The following TECPR1 variants were observed in gnomAD, a reference collection of about 807,000 sequenced individuals.
TECPR1 encodes tectonin beta-propeller repeat-containing protein 1.
TECPR1 carries 122 observed loss-of-function variants against 162.4 expected under a neutral mutation model. The observed-to-expected ratio is 0.75, with a 90% confidence interval of 0.65 to 0.87. The LOEUF is 0.87. Among genes scored for constraint, TECPR1 ranks in the 40% least tolerant of loss-of-function variants. The pLI is 0.00. For synonymous variants in TECPR1, 642 were observed against 670.6 expected (o/e 0.96, Z 0.66); for missense variants, 1,432 against 1,618.2 (o/e 0.88, Z 1.97).
rs565833649 is a variant in TECPR1, at chr7:98,219,846, A to G, written c.3158-1804T>C. ...AACCTGGGAGGCAGAGGTTGCAGTG[A>G]GCCGAGATCGCACCACTGCACTCCA... On this transcript the variant is annotated intron_variant, in intron 23 of 25. Transcript: ENST00000447648. Among the ~76,000 whole-genome samples, 7 of 152,172 alleles carry G rather than the reference A, an allele frequency of 4.6e-5. No individual in the cohort carries two copies. The South Asian group carries it at 1.2e-3, about 27-fold the overall frequency.
In TECPR1 at chr7:98,241,533, A is replaced by C. The variant is rs1165606894; in HGVS notation, c.658-289T>G. 6.6e-6 allele frequency among the ~76,000 whole-genome samples: 1 copy of C among 152,188 alleles called. No homozygotes were observed. The highest frequency in any genetic ancestry group is 1.5e-5 in the Non-Finnish European group (1 of 68,018). On this transcript the variant is annotated intron_variant, in intron 6 of 25. Coordinates refer to ENST00000447648, the MANE Select transcript of TECPR1 (RefSeq NM_015395.3). The surrounding 1 kb of genome is among the most constrained non-coding windows in gnomAD (Gnocchi z 5.0). Reference sequence around the variant, plus strand: ...ATGTGGGTCTCCGGCCACTCTGGCCAGCCCGTGTGTCCCATGCCCCCTTGT... The same window carrying C: ...ATGTGGGTCTCCGGCCACTCTGGCCCGCCCGTGTGTCCCATGCCCCCTTGT...
chr7:98,249,055 A>G (rs1798992338), intron 2 of TECPR1, among the ~76,000 whole-genome samples: 1 of 151,830 alleles, frequency 6.6e-6, no homozygotes, highest in South Asian at 2.1e-4. Flanking sequence ...CATCTGGCCC[A>G]TTTTTGTATT....
At chr7:98,233,091 T>C (rs997837769) in intron 11 of TECPR1, 119 bp from the exon 12 acceptor site, 13 of 1,236,372 alleles carry the variant, frequency 1.1e-5, no homozygotes, top group Non-Finnish European at 1.3e-5. Context: ...CGCTCTCTGT[T>C]AAGCCTCCTT....
intron 10 of TECPR1, among the ~76,000 whole-genome samples, chr7:98,234,505 C>T (rs1798540664): frequency 6.6e-6 from 1 of 152,116 alleles, no homozygotes; most frequent in South Asian, 2.1e-4. Flanking sequence ...CTTATAGCAA[C>T]ACAAAATGGA....
intron 23 of TECPR1, among the ~76,000 whole-genome samples, chr7:98,220,369 C>T (rs1584320930): frequency 6.6e-6 from 1 of 152,088 alleles, no homozygotes; most frequent in South Asian, 2.1e-4. Flanking sequence ...AATTTTTTAA[C>T]GGTACATTTT....
rs368144653 is a variant in TECPR1 at position 98,225,086 on chromosome 7, G to A, written c.2530C>T (p.Arg844Trp). 8 of 1,568,954 alleles carry A rather than the reference G, an allele frequency of 5.1e-6. No homozygotes were observed. In the South Asian group the frequency reaches 7.1e-5, roughly 14 times the overall value. Residue 844 changes from arginine (R) to tryptophan (W), a missense_variant, in exon 18 of 26, where the codon CGG (arginine) becomes TGG (tryptophan). Coordinates refer to ENST00000447648, the MANE Select transcript of TECPR1 (RefSeq NM_015395.3). ...GYTSRGLPTDRYMWSDASGLQ... is the reference protein window; with the variant it reads ...GYTSRGLPTDWYMWSDASGLQ... ...CCCGAGGCATCGCTCCACATGTACC[G>A]GTCCGTGGGCAGACCCCTGCGGCAG...
intron 10 of TECPR1, among the ~76,000 whole-genome samples, chr7:98,236,265 C>T (rs1396922833): frequency 1.3e-5 from 2 of 152,182 alleles, no homozygotes; most frequent in African/African-American, 2.4e-5. Flanking sequence ...CAAACAAACT[C>T]GGGGTAAGAC....
chr7:98,225,483 G>A (rs753010459), intron 17 of TECPR1, among the ~76,000 whole-genome samples: 12 of 151,776 alleles, frequency 7.9e-5, no homozygotes, highest in African/African-American at 1.2e-4. Flanking sequence ...TGCAGTGAGC[G>A]GAGATCGTGC....
At chr7:98,248,269 C>G (rs1052658975) in intron 2 of TECPR1, among the ~76,000 whole-genome samples, 4 of 152,192 alleles carry the variant, frequency 2.6e-5, no homozygotes, top group Non-Finnish European at 5.9e-5. Context: ...CTGAGAAGCT[C>G]TGCCCGACAG....
chr7:98,223,506 C>T (rs959230084), intron 20 of TECPR1, among the ~76,000 whole-genome samples, 156 bp downstream of exon 20: 5 of 152,128 alleles, frequency 3.3e-5, no homozygotes, highest in Admixed American at 1.3e-4. Flanking sequence ...TACTCAGATT[C>T]GGCTTCCCTC....
intron 2 of TECPR1, among the ~76,000 whole-genome samples, chr7:98,247,556 G>A (rs1168063117): frequency 2.0e-5 from 3 of 152,086 alleles, no homozygotes; most frequent in East Asian, 1.9e-4. Context: ...AGGTCTCCCC[G>A]CCATGTTGGC....
At chr7:98,221,585 C>A (rs1163245071) in intron 23 of TECPR1, 76 bp downstream of exon 23, 7 of 1,385,312 alleles carry the variant, frequency 5.1e-6, no homozygotes, top group African/African-American at 1.4e-5. Flanking sequence ...CCTCGGCCTC[C>A]CAAAGTGCTG....
rs1301678500 is a variant in TECPR1, at chr7:98,215,605, C to T, written c.*1785G>A. ...TGCTCAGCAGCGAGAGGACGCGTCA[C>T]TCTGCCGTTCTGCAGGGTGACGCCC... On this transcript the variant is annotated 3_prime_UTR_variant, in exon 26 of 26. Coordinates refer to ENST00000447648, the MANE Select transcript of TECPR1 (RefSeq NM_015395.3). 6.6e-6 allele frequency: 1 copy of T among 152,288 alleles called. No individual in the cohort carries two copies. Among genetic ancestry groups the T allele is most frequent in the Non-Finnish European group, 1.5e-5 (1 of 68,056 alleles). The allele number at this position is 152,288 out of a possible 1,614,324, so 9.4% of individuals were successfully genotyped here.
chr7:98,227,557 A>G (rs1798310326), intron 17 of TECPR1, among the ~76,000 whole-genome samples: 1 of 151,616 alleles, frequency 6.6e-6, no homozygotes, highest in South Asian at 2.1e-4. Flanking sequence ...GTGGTGGCTC[A>G]TGCCTGTAAC....
intron 10 of TECPR1, among the ~76,000 whole-genome samples, chr7:98,235,367 T>C (rs1490652056): frequency 6.6e-6 from 1 of 151,564 alleles, no homozygotes; most frequent in Non-Finnish European, 1.5e-5. Context: ...CTACTAAAAA[T>C]ACAAAAAATT....
At position 98,245,142 on chromosome 7, in the gene TECPR1, C is replaced by T. The variant is rs904651070; in HGVS notation, c.226-75G>A. ...GGAACCCAGGCGGGCCAGGCATCTC[C>T]AGGACCAGCTGACCCTGCCCAGCCG... On this transcript the variant is annotated intron_variant, in intron 3 of 25. Transcript: ENST00000447648. 41 of 1,499,414 alleles carry T rather than the reference C, an allele frequency of 2.7e-5. No homozygotes were observed. The African/African-American group carries it at 2.9e-4, about 11-fold the overall frequency. The allele number at this position is 1,499,414 out of a possible 1,614,324, so 92.9% of individuals were successfully genotyped here.
At position 98,229,019 on chromosome 7, in the gene TECPR1, G is replaced by C. The variant is rs919474811; in HGVS notation, c.2410+20C>G. 6 of 1,597,252 alleles carry C rather than the reference G, an allele frequency of 3.8e-6. No homozygotes were observed. The highest frequency in any genetic ancestry group is 1.3e-5 in the African/African-American group (1 of 74,660). On this transcript the variant is annotated intron_variant, in intron 16 of 25. Coordinates refer to ENST00000447648, the MANE Select transcript of TECPR1 (RefSeq NM_015395.3). Reference sequence around the variant, plus strand: ...AAGAACGCCCAGGAAGGCTCCGGGGGGGCTGTGGGCCGCCCTCACCTTGGA... The same window carrying C: ...AAGAACGCCCAGGAAGGCTCCGGGGCGGCTGTGGGCCGCCCTCACCTTGGA...
At position 98,231,206 on chromosome 7, in the gene TECPR1, G is replaced by A; in HGVS notation, c.2124+18C>T. ...GGCTATCCCTCCCCCCGGCCCGAGG[G>A]GACCACCGACCACTCACCCAGTCAT... On this transcript the variant is annotated intron_variant, in intron 14 of 25. Transcript: ENST00000447648. 6.2e-7 allele frequency: 1 copy of A among 1,610,518 alleles called. No homozygotes were observed. The highest frequency in any genetic ancestry group is 1.1e-5 in the South Asian group (1 of 91,038).
chr7:98,221,878 A>G, intron 22 of TECPR1, 125 bp from the exon 23 acceptor site: 2 of 714,956 alleles, frequency 2.8e-6, no homozygotes, highest in Non-Finnish European at 4.7e-6. Context: ...TGTGCCACAC[A>G]GAGCTGACAC....
Sources: gnomAD v4.1 joint callset for allele counts (sites outside exome capture counted in the v4.1 genomes callset) on GRCh38, gnomAD v4.1.1 for gene constraint, Gnocchi (gnomAD v3.1) non-coding constraint, MANE v1.5 for transcripts, NCBI Gene and HGNC (gene_info 2026-07-23, HGNC 2026-07-21) for gene names.